Variants in TTLL3 observed in about 807,000 individuals in gnomAD.
TTLL3 encodes tubulin monoglycylase TTLL3.
TTLL3 carries 63 observed loss-of-function variants against 75.2 expected under a neutral mutation model. That is an observed-to-expected ratio of 0.84 (90% CI 0.68 to 1.03). The LOEUF (loss-of-function observed/expected upper bound fraction) is 1.03, where lower values mean the gene tolerates loss of function less well. TTLL3 is among the 50% of genes least tolerant of loss of function. TTLL3 has a pLI of 0.00. For synonymous variants in TTLL3, 393 were observed against 418.5 expected (o/e 0.94, Z 0.74); for missense variants, 997 against 1,069.9 (o/e 0.93, Z 0.95).
intron 11 of TTLL3, among the ~76,000 whole-genome samples, chr3:9,831,796 A>ATTTT (rs35972221): frequency 2.4e-5 from 3 of 123,624 alleles, no homozygotes; most frequent in African/African-American, 6.1e-5. Context: ...TTTTTATTTG[A>ATTTT]TTTTTTTTTT....
At chr3:9,833,678 T>C (rs1215944364) in intron 12 of TTLL3, among the ~76,000 whole-genome samples, 1 of 152,026 alleles carries the variant, frequency 6.6e-6, no homozygotes, top group Non-Finnish European at 1.5e-5. Flanking sequence ...AAGTATTGTT[T>C]AAAAATACAC....
At chr3:9,817,784 C>T (rs372244597) in intron 6 of TTLL3, 25 bp downstream of exon 6, 52 of 1,613,742 alleles carry the variant, frequency 3.2e-5, no homozygotes, top group Non-Finnish European at 4.4e-5. Context: ...AGCCCTATGC[C>T]TGAACCTCAG....
rs2081987393 is a variant in TTLL3, at chr3:9,835,754, G to C, written c.*265G>C. The C allele has an allele frequency of 2.2e-6, 1 of 453,268 alleles. No individual in the cohort carries two copies. The highest frequency in any genetic ancestry group is 3.9e-6 in the Non-Finnish European group (1 of 257,374). 28.1% of individuals were successfully genotyped at this position (453,268 alleles called of 1,614,324 possible). A position where few individuals can be genotyped will look rare whatever the true frequency, so the allele number is the denominator to read the frequency against. On this transcript the variant is annotated 3_prime_UTR_variant, in exon 14 of 14. Transcript: ENST00000685419. ...CCCCAGAGAACAAGCCAAGCTAGCA[G>C]AATGACACCTACCGGGCATAGGAAC...
At chr3:9,834,323 C>T in intron 12 of TTLL3, 2 of 496,178 alleles carry the variant, frequency 4.0e-6, no homozygotes, top group Non-Finnish European at 7.9e-6. Flanking sequence ...AAAGAACTAA[C>T]ACATGTCCAG....
intron 9 of TTLL3, among the ~76,000 whole-genome samples, chr3:9,826,376 T>C (rs2081043208): frequency 6.6e-6 from 1 of 152,216 alleles, no homozygotes; most frequent in African/African-American, 2.4e-5. Flanking sequence ...GCCTAATTTT[T>C]GTTTTGTTTT....
chr3:9,834,327 T>C, intron 12 of TTLL3: 1 of 500,300 alleles, frequency 2.0e-6, no homozygotes, highest in Non-Finnish European at 3.9e-6. Flanking sequence ...AACTAACACA[T>C]GTCCAGCACT....
chr3:9,818,682 G>A (rs1231382547), intron 6 of TTLL3, 140 bp from the exon 7 acceptor site: 3 of 1,533,650 alleles, frequency 2.0e-6, no homozygotes, highest in South Asian at 1.3e-5. Context: ...ACAGGAGCAA[G>A]TTCTAAACTC....
intron 2 of TTLL3, among the ~76,000 whole-genome samples, chr3:9,811,032 C>T (rs1015913513): frequency 5.3e-5 from 8 of 152,110 alleles, no homozygotes; most frequent in African/African-American, 1.9e-4. Flanking sequence ...CCCCACACAC[C>T]CTTCCTCTTG....
Position 9,816,133 on chromosome 3 carries a change from C to CA in TTLL3, c.375_376insA (p.Asp126ArgfsTer37). The CA allele has an allele frequency of 7.4e-7, 1 of 1,350,282 alleles. No individual in the cohort carries two copies. The allele number at this position is 1,350,282 out of a possible 1,614,324, so 83.6% of individuals were successfully genotyped here. A position where few individuals can be genotyped will look rare whatever the true frequency, so the allele number is the denominator to read the frequency against. ...TCTGGACCACTCGGCGGGATGTGCT[C>CA]GACTGTCGCTTCCTCTCCAAGGATC... is the stretch of plus-strand genomic sequence containing the variant. On this transcript the variant is annotated frameshift_variant, in exon 5 of 14. Transcript: ENST00000685419. LOFTEE classifies it high-confidence loss of function.
intron 4 of TTLL3, among the ~76,000 whole-genome samples, chr3:9,814,900 G>A (rs748683892): frequency 6.6e-6 from 1 of 152,008 alleles, no homozygotes; most frequent in Non-Finnish European, 1.5e-5. Flanking sequence ...GGGCCCTTGG[G>A]TTTCCATCTT....
chr3:9,819,059 C>CCCATCTATCCATCCATCCACCAG (rs2080167458), intron 7 of TTLL3, 139 bp downstream of exon 7: 1 of 1,098,088 alleles, frequency 9.1e-7, no homozygotes, highest in African/African-American at 1.5e-5. Context: ...TTCACATCTA[C>CCCATCTATCCATCCATCCACCAG]CCATCTATCC....
chr3:9,830,536 C>T (rs538683896), intron 11 of TTLL3, among the ~76,000 whole-genome samples: 3 of 152,264 alleles, frequency 2.0e-5, no homozygotes, highest in East Asian at 3.9e-4. Flanking sequence ...GCCTTTGTTA[C>T]AGTTGTTATT....
intron 8 of TTLL3, among the ~76,000 whole-genome samples, chr3:9,824,804 G>A (rs2080870700): frequency 7.2e-6 from 1 of 138,850 alleles, no homozygotes; most frequent in Non-Finnish European, 1.5e-5. Context: ...GCAGTGGTAC[G>A]ATCTCGGCTC....
At chr3:9,816,476 A>T (rs919568591) in intron 5 of TTLL3, among the ~76,000 whole-genome samples, 1 of 150,752 alleles carries the variant, frequency 6.6e-6, no homozygotes, top group Non-Finnish European at 1.5e-5. Context: ...TTACCTCCTA[A>T]GCAGAAGATA....
At chr3:9,818,782 G>T (rs1270473889) in intron 6 of TTLL3, 40 bp from the exon 7 acceptor site, 1 of 1,613,588 alleles carries the variant, frequency 6.2e-7, no homozygotes, top group Non-Finnish European at 8.5e-7. Flanking sequence ...CAGGCCTCAA[G>T]CCTAGGGGCT....
rs553914796 is a variant in TTLL3, at chr3:9,815,963, G to A, written c.316-111G>A. 3.6e-6 allele frequency: 4 copies of A among 1,108,320 alleles called. No individual in the cohort carries two copies. In the South Asian group the frequency reaches 4.6e-5, roughly 13 times the overall value. 68.7% of individuals were successfully genotyped at this position (1,108,320 alleles called of 1,614,324 possible). A position where few individuals can be genotyped will look rare whatever the true frequency, so the allele number is the denominator to read the frequency against. ...GTGTGGGCTAGAGGCCACCTTGGAAGCATCCTCTCCTTCCTGTTCACCCAC... is the reference window on the plus strand; with the variant it reads ...GTGTGGGCTAGAGGCCACCTTGGAAACATCCTCTCCTTCCTGTTCACCCAC... On this transcript the variant is annotated intron_variant, in intron 4 of 13. Coordinates refer to ENST00000685419, the MANE Select transcript of TTLL3 (RefSeq NM_001387446.1).
At chr3:9,811,669 A>G (rs2079365044) in intron 2 of TTLL3, among the ~76,000 whole-genome samples, 1 of 152,202 alleles carries the variant, frequency 6.6e-6, no homozygotes, top group Non-Finnish European at 1.5e-5. Flanking sequence ...TGACACTCTT[A>G]GTATGAAATC....
At chr3:9,827,527 C>T (rs577251722) in intron 10 of TTLL3, 4 of 407,284 alleles carry the variant, frequency 9.8e-6, no homozygotes, top group South Asian at 5.7e-5. Flanking sequence ...CTCAGCCTCC[C>T]AAGTGTCTGA....
intron 11 of TTLL3, 103 bp downstream of exon 11, chr3:9,829,498 C>T (rs2081335081): frequency 7.0e-7 from 1 of 1,423,990 alleles, no homozygotes. Flanking sequence ...AGTTTAAGAC[C>T]CAGATTCAAG....
Sources: allele counts gnomAD v4.1 joint callset (sites outside exome capture counted in the v4.1 genomes callset), GRCh38; gene constraint gnomAD v4.1.1; transcripts MANE v1.5; gene names NCBI Gene and HGNC (gene_info 2026-07-23, HGNC 2026-07-21).